CSNK2A2IP: variants seen among roughly 807,000 people sequenced by gnomAD.
The protein encoded by CSNK2A2IP is casein kinase II subunit alpha'-interacting protein.
At chr3:88,421,694 G>A in the CSNK2A2IP span, among the ~76,000 whole-genome samples, 1 of 152,078 alleles carries the variant, frequency 6.6e-6, no homozygotes, top group African/African-American at 2.4e-5. Context: ...TGGGATTACA[G>A]GCATGAGCCA....
the CSNK2A2IP span, among the ~76,000 whole-genome samples, chr3:88,386,710 A>G: frequency 6.6e-6 from 1 of 152,232 alleles, no homozygotes; most frequent in East Asian, 1.9e-4. Context: ...GAATGGAAGA[A>G]AAACATGTGG....
the CSNK2A2IP span, among the ~76,000 whole-genome samples, chr3:88,438,314 C>T: frequency 6.6e-6 from 1 of 152,066 alleles, no homozygotes; most frequent in African/African-American, 2.4e-5. Flanking sequence ...AACTGTAGGA[C>T]GCTGGAAGGG....
the CSNK2A2IP span, chr3:88,464,962 T>A: frequency 6.3e-6 from 1 of 159,526 alleles, no homozygotes; most frequent in African/African-American, 2.4e-5. Context: ...ACTGAGTGGC[T>A]GCAGCACATG....
the CSNK2A2IP span, among the ~76,000 whole-genome samples, chr3:88,347,581 T>G: frequency 1.3e-5 from 2 of 152,058 alleles, no homozygotes; most frequent in Non-Finnish European, 2.9e-5. Context: ...GATGAAAGTA[T>G]GTACACTTTT....
At chr3:88,438,303 G>T in the CSNK2A2IP span, among the ~76,000 whole-genome samples, 8 of 152,078 alleles carry the variant, frequency 5.3e-5, no homozygotes, top group African/African-American at 1.9e-4. Flanking sequence ...TGAGAACTTT[G>T]AACTGTAGGA....
the CSNK2A2IP span, among the ~76,000 whole-genome samples, chr3:88,434,525 A>G: frequency 6.6e-6 from 1 of 152,098 alleles, no homozygotes; most frequent in Non-Finnish European, 1.5e-5. Context: ...AAACAAAACC[A>G]AAACCAAAAA....
the CSNK2A2IP span, among the ~76,000 whole-genome samples, chr3:88,364,564 G>A: frequency 8.1e-3 from 1,234 of 152,048 alleles, 19 homozygotes; most frequent in African/African-American, 0.027. Flanking sequence ...GATAATATAG[G>A]ATGTTGGAAG....
the CSNK2A2IP span, among the ~76,000 whole-genome samples, chr3:88,356,740 T>C: frequency 3.3e-5 from 5 of 152,128 alleles, no homozygotes; most frequent in Admixed American, 1.3e-4. Flanking sequence ...CCCTTTTTTT[T>C]CCACATCCTC....
At chr3:88,345,712 A>C in the CSNK2A2IP span, among the ~76,000 whole-genome samples, 66,469 of 151,698 alleles carry the variant, frequency 0.44, 15,816 homozygotes, top group South Asian at 0.62. Flanking sequence ...CATCAACTGG[A>C]CATTCCCCCG....
chr3:88,357,068 T>G, the CSNK2A2IP span, among the ~76,000 whole-genome samples: 1 of 152,162 alleles, frequency 6.6e-6, no homozygotes, highest in Non-Finnish European at 1.5e-5. Flanking sequence ...GGTTGTCTCT[T>G]TATTTTGTTA....
chr3:88,453,211 C>G, the CSNK2A2IP span, among the ~76,000 whole-genome samples: 1 of 152,058 alleles, frequency 6.6e-6, no homozygotes, highest in Non-Finnish European at 1.5e-5. Flanking sequence ...AATCTCTGAA[C>G]TTAGTGCACT....
At chr3:88,467,050 C>T in the CSNK2A2IP span, 14 of 1,022,142 alleles carry the variant, frequency 1.4e-5, no homozygotes, top group East Asian at 9.8e-5. Context: ...CACATCTGAA[C>T]GGGATATCCA....
At chr3:88,465,478 C>A in the CSNK2A2IP span, 2 of 1,231,528 alleles carry the variant, frequency 1.6e-6, no homozygotes, top group Non-Finnish European at 1.0e-6. Context: ...ATTCAATAAC[C>A]AACCTATGGC....
At chr3:88,356,309 AT>A in the CSNK2A2IP span, among the ~76,000 whole-genome samples, 17 of 148,776 alleles carry the variant, frequency 1.1e-4, no homozygotes, top group African/African-American at 1.5e-4. Context: ...CATGGATTCA[AT>A]TTTTTTTTTA....
chr3:88,422,990 T>C, the CSNK2A2IP span, among the ~76,000 whole-genome samples: 1 of 152,186 alleles, frequency 6.6e-6, no homozygotes, highest in East Asian at 1.9e-4. Flanking sequence ...ACTTTTGAGG[T>C]AACCTATTTA....
chr3:88,454,521 T>G, the CSNK2A2IP span, among the ~76,000 whole-genome samples: 3 of 151,918 alleles, frequency 2.0e-5, no homozygotes, highest in Non-Finnish European at 2.9e-5. Context: ...TTAAAAAAAT[T>G]TTTGTTCCAG....
the CSNK2A2IP span, among the ~76,000 whole-genome samples, chr3:88,375,324 G>T: frequency 6.6e-6 from 1 of 151,808 alleles, no homozygotes; most frequent in Admixed American, 6.6e-5. Context: ...TCTCCCGGAA[G>T]ATTTGTTCTC....
At chr3:88,424,688 A>T in the CSNK2A2IP span, among the ~76,000 whole-genome samples, 3 of 152,198 alleles carry the variant, frequency 2.0e-5, no homozygotes, top group Admixed American at 2.0e-4. Flanking sequence ...GAAGTAAGGT[A>T]AATTCAGGAA....
the CSNK2A2IP span, among the ~76,000 whole-genome samples, chr3:88,353,638 A>T: frequency 6.6e-6 from 1 of 152,148 alleles, no homozygotes; most frequent in Non-Finnish European, 1.5e-5. Context: ...TCTTGACGGA[A>T]AATCCTTGCT....
Sources: allele counts gnomAD v4.1 joint callset (sites outside exome capture counted in the v4.1 genomes callset), GRCh38; gene constraint gnomAD v4.1.1; transcripts MANE v1.5; gene names NCBI Gene and HGNC (gene_info 2026-07-23, HGNC 2026-07-21).